The following ADARB1 variants were observed in gnomAD, a reference collection of about 807,000 sequenced individuals.
ADARB1 encodes the protein adenosine deaminase RNA specific B1.
Under a neutral mutation model 52.4 loss-of-function variants are expected in ADARB1, and 10 were observed. The ratio of observed to expected loss-of-function variants is 0.19; its 90% CI spans 0.12 to 0.32. ADARB1 has a LOEUF of 0.32. Ranked by LOEUF, ADARB1 falls within the 10% of genes least tolerant of loss-of-function variation. ADARB1 has a pLI of 1.00. For synonymous variants in ADARB1, 349 were observed against 371.1 expected, an observed-to-expected ratio of 0.94 and a Z score of 0.68; for missense variants, 643 against 922.3, an observed-to-expected ratio of 0.70 and a Z score of 3.92.
At position 45,224,678 on chromosome 21, in the gene ADARB1, CGGGGCAGGG is replaced by C. The variant is rs2093032228; in HGVS notation, c.*2484_*2492del. 1.2e-6 allele frequency: 1 copy of C among 817,934 alleles called. No individual in the cohort carries two copies. The highest frequency in any genetic ancestry group is 5.1e-5 in the African/African-American group (1 of 19,628). The allele number at this position is 817,934 out of a possible 1,614,324, so 50.7% of individuals were successfully genotyped here. On this transcript the variant is annotated 3_prime_UTR_variant, in exon 11 of 11. Coordinates refer to ENST00000348831, the MANE Select transcript of ADARB1 (RefSeq NM_001112.4). ...GAACTGGGTTCCGGGAGCCCTGGGCCGGGGCAGGGGGCGGCTGTAGGAAGGAACTGGTTT... is the reference window on the plus strand; with the variant it reads ...GAACTGGGTTCCGGGAGCCCTGGGCCGGCGGCTGTAGGAAGGAACTGGTTT...
chr21:45,076,168 AG>A (rs2085926547), intron 1 of ADARB1, among the ~76,000 whole-genome samples: 1 of 152,196 alleles, frequency 6.6e-6, no homozygotes, highest in Admixed American at 6.5e-5. Flanking sequence ...TTGCCTGCTG[AG>A]GGTTTCCCAG....
rs555502250 is a variant in ADARB1, at chr21:45,155,821, A to G, written c.-47-15789A>G. ...CATCATCACCCATTACCCATTATCCATCATCCATCCATCCATCCACCCACC... is the reference window on the plus strand; with the variant it reads ...CATCATCACCCATTACCCATTATCCGTCATCCATCCATCCATCCACCCACC... On this transcript the variant is annotated intron_variant, in intron 2 of 10. Transcript: ENST00000348831. 2.3e-3 allele frequency among the ~76,000 whole-genome samples: 232 copies of G among 100,028 alleles called. 1 individual carries two copies. The highest frequency in any genetic ancestry group is 9.7e-3 in the Admixed American group (82 of 8,428). The allele number at this position is 100,028 out of a possible 152,430, so 65.6% of individuals were successfully genotyped here.
chr21:45,101,297 C>T (rs1389012525), intron 1 of ADARB1, among the ~76,000 whole-genome samples: 2 of 152,168 alleles, frequency 1.3e-5, no homozygotes, highest in Non-Finnish European at 1.5e-5. Context: ...GCGGGCGGGC[C>T]GTGTCCCCGC....
At chr21:45,165,934 T>C (rs1437578165) in intron 2 of ADARB1, among the ~76,000 whole-genome samples, 2 of 151,900 alleles carry the variant, frequency 1.3e-5, no homozygotes, top group Non-Finnish European at 2.9e-5. Context: ...GAGGGGAAAA[T>C]GGATTTAATC....
intron 1 of ADARB1, among the ~76,000 whole-genome samples, chr21:45,109,838 C>T (rs973544110): frequency 3.3e-5 from 5 of 152,146 alleles, no homozygotes; most frequent in Non-Finnish European, 5.9e-5. Flanking sequence ...TGAAATTTTC[C>T]TTTGAAAACT....
intron 2 of ADARB1, among the ~76,000 whole-genome samples, chr21:45,141,496 C>T (rs912012085): frequency 2.6e-5 from 4 of 152,276 alleles, no homozygotes; most frequent in Middle Eastern, 6.8e-3. Flanking sequence ...ATATTCAGAG[C>T]TCATAAGAAT....
At chr21:45,198,322 C>T (rs953006850) in intron 8 of ADARB1, among the ~76,000 whole-genome samples, 19 of 152,114 alleles carry the variant, frequency 1.2e-4, no homozygotes, top group Admixed American at 7.9e-4. Flanking sequence ...AATGAAAACA[C>T]GGATATCCTT....
At chr21:45,124,550 A>C (rs1010292278) in intron 1 of ADARB1, among the ~76,000 whole-genome samples, 9 of 151,048 alleles carry the variant, frequency 6.0e-5, no homozygotes, top group Non-Finnish European at 4.4e-5. Context: ...AATTTTCTTT[A>C]TTTTTTTTGT....
chr21:45,163,105 A>G (rs1032080308), intron 2 of ADARB1, among the ~76,000 whole-genome samples: 4 of 152,252 alleles, frequency 2.6e-5, no homozygotes, highest in Non-Finnish European at 5.9e-5. Context: ...AGAGGATGCT[A>G]ATAGCTGCCT....
chr21:45,113,046 G>C (rs2087616394), intron 1 of ADARB1, among the ~76,000 whole-genome samples: 1 of 152,138 alleles, frequency 6.6e-6, no homozygotes, highest in Admixed American at 6.5e-5. Flanking sequence ...TTATTTGTCT[G>C]TGAAAAGGGA....
intron 4 of ADARB1, 102 bp from the exon 5 acceptor site, chr21:45,180,228 G>A: frequency 2.5e-6 from 2 of 797,648 alleles, no homozygotes; most frequent in South Asian, 1.5e-5. Context: ...ATGAGAAGCA[G>A]CCTGTGTCAC....
intron 1 of ADARB1, among the ~76,000 whole-genome samples, chr21:45,077,305 A>G (rs945511177): frequency 6.6e-6 from 1 of 152,250 alleles, no homozygotes; most frequent in Non-Finnish European, 1.5e-5. Flanking sequence ...AGCCTATAAA[A>G]AAGTTTAGCA....
At chr21:45,210,174 C>T (rs541541178) in intron 9 of ADARB1, among the ~76,000 whole-genome samples, 4 of 152,296 alleles carry the variant, frequency 2.6e-5, no homozygotes, top group East Asian at 1.9e-4. Context: ...TTCCTCATGT[C>T]TGTTGGGTTT....
At chr21:45,130,091 T>C (rs1189918708) in intron 2 of ADARB1, among the ~76,000 whole-genome samples, 2 of 152,172 alleles carry the variant, frequency 1.3e-5, no homozygotes, top group African/African-American at 2.4e-5. Flanking sequence ...GAAATCAGCT[T>C]CTCTGTAACC....
At chr21:45,150,458 A>C (rs958351474) in intron 2 of ADARB1, among the ~76,000 whole-genome samples, 1 of 152,238 alleles carries the variant, frequency 6.6e-6, no homozygotes, top group Admixed American at 6.5e-5. Flanking sequence ...GAAATGTTTA[A>C]ATCAAAATTG....
chr21:45,207,447 C>T (rs779846189), intron 9 of ADARB1, among the ~76,000 whole-genome samples: 9 of 152,000 alleles, frequency 5.9e-5, no homozygotes, highest in Admixed American at 2.0e-4. Flanking sequence ...GAATTGAAGC[C>T]GAAGGCAAGT....
At chr21:45,149,811 T>C (rs963797024) in intron 2 of ADARB1, among the ~76,000 whole-genome samples, 3 of 152,258 alleles carry the variant, frequency 2.0e-5, no homozygotes, top group Admixed American at 6.5e-5. Flanking sequence ...CACGGCCTAA[T>C]GCGGGGCTAG....
intron 2 of ADARB1, among the ~76,000 whole-genome samples, chr21:45,149,541 A>G (rs1005486045): frequency 3.3e-5 from 5 of 152,244 alleles, no homozygotes; most frequent in Admixed American, 2.6e-4. Flanking sequence ...AATGGAAAAA[A>G]TATGTGGGGA....
chr21:45,130,258 A>T (rs1295458144), intron 2 of ADARB1, among the ~76,000 whole-genome samples: 1 of 152,248 alleles, frequency 6.6e-6, no homozygotes, highest in Non-Finnish European at 1.5e-5. Flanking sequence ...TATGTGAAAT[A>T]GCAAGTATTT....
Sources: allele counts gnomAD v4.1 joint callset (sites outside exome capture counted in the v4.1 genomes callset), GRCh38; gene constraint gnomAD v4.1.1; transcripts MANE v1.5; gene names NCBI Gene and HGNC (gene_info 2026-07-23, HGNC 2026-07-21).